Variants in PTPRT observed in about 807,000 individuals in gnomAD.
PTPRT encodes the protein protein tyrosine phosphatase receptor type T.
A neutral mutation model predicts 176.8 loss-of-function variants in PTPRT; 56 were observed. That is an observed-to-expected ratio of 0.32 (90% CI 0.26 to 0.40). The LOEUF (loss-of-function observed/expected upper bound fraction) is 0.40, where lower values mean the gene tolerates loss of function less well. Ranked by LOEUF, PTPRT falls within the 10% of genes least tolerant of loss-of-function variation. The pLI is 1.00. For synonymous variants in PTPRT, 783 were observed against 739.0 expected, an observed-to-expected ratio of 1.06 and a Z score of -0.96; for missense variants, 1,540 against 1,908.2, an observed-to-expected ratio of 0.81 and a Z score of 3.60.
intron 13 of PTPRT, among the ~76,000 whole-genome samples, chr20:42,273,162 C>A (rs903454998): frequency 1.3e-5 from 2 of 152,074 alleles, no homozygotes; most frequent in Non-Finnish European, 2.9e-5. Context: ...TAAGTACTTT[C>A]GATACATTTT....
intron 11 of PTPRT, among the ~76,000 whole-genome samples, chr20:42,329,208 CAT>C (rs1008366203): frequency 6.6e-6 from 1 of 152,076 alleles, no homozygotes; most frequent in African/African-American, 2.4e-5. Context: ...CACGTTAATA[CAT>C]ATAGTCATTT....
intron 7 of PTPRT, among the ~76,000 whole-genome samples, chr20:42,556,990 C>G (rs1002944994): frequency 2.0e-5 from 3 of 152,036 alleles, no homozygotes; most frequent in Non-Finnish European, 2.9e-5. Context: ...TGTCTCTCTC[C>G]CCTGCACTTT....
At chr20:43,044,390 G>A (rs1986752105) in intron 1 of PTPRT, among the ~76,000 whole-genome samples, 1 of 152,140 alleles carries the variant, frequency 6.6e-6, no homozygotes, top group Non-Finnish European at 1.5e-5. Context: ...CCCCTCTCCA[G>A]GAAGACTTGC....
At chr20:43,129,641 C>T (rs1359502074) in intron 1 of PTPRT, among the ~76,000 whole-genome samples, 1 of 78,742 alleles carries the variant, frequency 1.3e-5, no homozygotes, top group Non-Finnish European at 2.3e-5. Context: ...TTTTTTGAGA[C>T]GGAGTCTCGC....
At chr20:42,920,840 TTTAA>T in intron 1 of PTPRT, among the ~76,000 whole-genome samples, 1 of 151,984 alleles carries the variant, frequency 6.6e-6, no homozygotes, top group South Asian at 2.1e-4. Flanking sequence ...ACCAAGAGGG[TTTAA>T]TTAAACTGAG....
intron 7 of PTPRT, among the ~76,000 whole-genome samples, chr20:42,570,753 C>T (rs969939900): frequency 3.9e-5 from 6 of 152,130 alleles, no homozygotes; most frequent in Non-Finnish European, 7.4e-5. Context: ...TTCCTCCTGA[C>T]TCTATTTTTC....
intron 7 of PTPRT, among the ~76,000 whole-genome samples, chr20:42,625,820 T>C (rs1488179876): frequency 1.3e-5 from 2 of 152,084 alleles, no homozygotes. Context: ...GGCCATATAC[T>C]GAAATGAGTC....
chr20:42,377,512 C>T (rs6030180), intron 9 of PTPRT, among the ~76,000 whole-genome samples: 82 of 152,314 alleles, frequency 5.4e-4, no homozygotes, highest in African/African-American at 1.9e-3. Flanking sequence ...TGAGATTCTG[C>T]ATTTCAAACA....
chr20:42,191,342 C>A (rs375805490), intron 16 of PTPRT, among the ~76,000 whole-genome samples: 1 of 152,122 alleles, frequency 6.6e-6, no homozygotes, highest in Non-Finnish European at 1.5e-5. Context: ...TAGGCAGTCA[C>A]GTGATGAATA....
intron 7 of PTPRT, among the ~76,000 whole-genome samples, chr20:42,626,994 C>T (rs1363207374): frequency 7.9e-6 from 1 of 127,306 alleles, no homozygotes; most frequent in Non-Finnish European, 1.6e-5. Context: ...TCACACTGGG[C>T]CTCTCTGATC....
chr20:42,574,583 C>A (rs745807451), intron 7 of PTPRT, among the ~76,000 whole-genome samples: 14 of 152,070 alleles, frequency 9.2e-5, no homozygotes, highest in Non-Finnish European at 1.3e-4. Context: ...AGAGGAAGAA[C>A]AAAGGGCAGT....
intron 1 of PTPRT, among the ~76,000 whole-genome samples, chr20:42,979,694 T>C (rs1983159314): frequency 1.3e-5 from 2 of 152,248 alleles, no homozygotes; most frequent in South Asian, 2.1e-4. Flanking sequence ...CAAAAACCCT[T>C]AGAAAAATTC....
chr20:42,892,434 T>C (rs1323362533), intron 1 of PTPRT, among the ~76,000 whole-genome samples: 1 of 151,664 alleles, frequency 6.6e-6, no homozygotes, highest in Non-Finnish European at 1.5e-5. Flanking sequence ...GGTCTCACCA[T>C]GATGCTTCCA....
chr20:42,574,451 A>AC (rs532939947), intron 7 of PTPRT, among the ~76,000 whole-genome samples: 138 of 152,282 alleles, frequency 9.1e-4, no homozygotes, highest in Non-Finnish European at 1.6e-3. Context: ...AAGTGGATTT[A>AC]CACACCCACC....
intron 2 of PTPRT, among the ~76,000 whole-genome samples, chr20:42,843,618 G>T (rs1215981145): frequency 1.3e-5 from 2 of 152,212 alleles, no homozygotes; most frequent in Non-Finnish European, 2.9e-5. Flanking sequence ...GTAATAGGTT[G>T]CTATTGAGGG....
At chr20:42,532,586 T>C (rs1308924789) in intron 7 of PTPRT, among the ~76,000 whole-genome samples, 1 of 152,160 alleles carries the variant, frequency 6.6e-6, no homozygotes, top group Non-Finnish European at 1.5e-5. Context: ...AGAAAATGTT[T>C]TGGTAAAGAT....
chr20:42,858,897 T>G (rs2078611293), intron 2 of PTPRT, among the ~76,000 whole-genome samples: 1 of 152,176 alleles, frequency 6.6e-6, no homozygotes, highest in African/African-American at 2.4e-5. Context: ...TGACTAAAAT[T>G]TGGTCAAGGG....
chr20:42,685,375 T>C (rs1489537601), intron 6 of PTPRT: 1 of 152,162 alleles, frequency 6.6e-6, no homozygotes. Flanking sequence ...ATCAGTCCTA[T>C]GAGATGGTTA....
chr20:42,082,593 G>A (rs1256716813), intron 29 of PTPRT, among the ~76,000 whole-genome samples: 1 of 152,290 alleles, frequency 6.6e-6, no homozygotes, highest in East Asian at 1.9e-4. Flanking sequence ...GGAGGAACTG[G>A]TCCTGATAGG....
Sources: allele counts gnomAD v4.1 joint callset (sites outside exome capture counted in the v4.1 genomes callset), GRCh38; gene constraint gnomAD v4.1.1; transcripts MANE v1.5; gene names NCBI Gene and HGNC (gene_info 2026-07-23, HGNC 2026-07-21).